Variants in SCAF11 observed in about 807,000 individuals in gnomAD.
SCAF11 encodes the protein protein SCAF11.
Under a neutral mutation model 140.5 loss-of-function variants are expected in SCAF11, and 47 were observed. The observed-to-expected ratio is 0.33, with a 90% CI of 0.26 to 0.43. The LOEUF is 0.43. SCAF11 is among the 20% of genes least tolerant of loss of function. The pLI, the probability that SCAF11 is intolerant of heterozygous loss-of-function variation, is 1.00. For synonymous variants in SCAF11, 557 were observed against 579.4 expected (o/e 0.96, Z 0.55); for missense variants, 1,645 against 1,705.1 (o/e 0.96, Z 0.62).
At chr12:45,954,098 A>G (rs1945617763) in intron 3 of SCAF11, among the ~76,000 whole-genome samples, 1 of 152,262 alleles carries the variant, frequency 6.6e-6, no homozygotes, top group Non-Finnish European at 1.5e-5. Flanking sequence ...AAAGAAAGTC[A>G]CGTGTTCAAG....
intron 1 of SCAF11, among the ~76,000 whole-genome samples, chr12:45,972,511 G>A (rs1419591523): frequency 1.3e-5 from 2 of 149,188 alleles, no homozygotes; most frequent in Non-Finnish European, 3.0e-5. Context: ...CTTGAGCCCA[G>A]GAGTTGAAGG....
intron 3 of SCAF11, among the ~76,000 whole-genome samples, chr12:45,958,654 T>C (rs867160469): frequency 2.6e-5 from 4 of 152,216 alleles, no homozygotes; most frequent in African/African-American, 9.6e-5. Flanking sequence ...ATAATCATAG[T>C]GGACATGATT....
chr12:45,958,925 A>T (rs915743023), intron 3 of SCAF11, among the ~76,000 whole-genome samples: 1 of 152,198 alleles, frequency 6.6e-6, no homozygotes, highest in Non-Finnish European at 1.5e-5. Flanking sequence ...GACACACTTT[A>T]ATTTTTCAAA....
At chr12:45,965,717 ATCAGT>A (rs1390668709) in intron 1 of SCAF11, among the ~76,000 whole-genome samples, 3 of 152,228 alleles carry the variant, frequency 2.0e-5, no homozygotes, top group Non-Finnish European at 4.4e-5. Flanking sequence ...CCTTGATTTT[ATCAGT>A]TGTGATTCTC....
At chr12:45,963,336 A>C (rs548677925) in intron 2 of SCAF11, among the ~76,000 whole-genome samples, 1 of 152,282 alleles carries the variant, frequency 6.6e-6, no homozygotes, top group Admixed American at 6.5e-5. Flanking sequence ...CGAAACCAAG[A>C]CCTTAAAAGC....
chr12:45,982,770 A>G (rs1283851704), intron 1 of SCAF11, among the ~76,000 whole-genome samples: 1 of 152,146 alleles, frequency 6.6e-6, no homozygotes, highest in African/African-American at 2.4e-5. Flanking sequence ...TTTTTATAAC[A>G]GTGTTGTTTT....
rs1210421523 is a variant in SCAF11 at position 45,927,204 on chromosome 12, G to A, written c.2497C>T (p.Pro833Ser). The change falls in exon 11 of 15, where the codon CCA becomes TCA. Residue 833 changes from proline to serine, a missense_variant. Physicochemically the swap from Pro to Ser is moderately conservative, Grantham distance 74. Around this residue, in one of 2 missense-constraint regions of SCAF11, gnomAD observed 1,582 missense variants for 1,609.2 expected, o/e 0.98. Coordinates refer to ENST00000369367, the MANE Select transcript of SCAF11 (RefSeq NM_004719.3). ...CTGGCTGACTCATTCTTAGGAGATGGTGATTGAGACTTCCTGCTTTCTTTC... is the reference window on the plus strand; with the variant it reads ...CTGGCTGACTCATTCTTAGGAGATGATGATTGAGACTTCCTGCTTTCTTTC... The part of the protein sequence containing the change: ...TGKESRKSQS[P>S]SPKNESARGR... 2 of 1,614,108 alleles carry A rather than the reference G, an allele frequency of 1.2e-6. No individual in the cohort carries two copies. The highest frequency in any genetic ancestry group is 4.5e-5 in the East Asian group (2 of 44,876).
chr12:45,937,325 T>C (rs1228446925), intron 6 of SCAF11, among the ~76,000 whole-genome samples: 3 of 152,166 alleles, frequency 2.0e-5, no homozygotes, highest in South Asian at 4.1e-4. Flanking sequence ...TTTTCTTAAA[T>C]ATTATTTTTC....
intron 1 of SCAF11, among the ~76,000 whole-genome samples, chr12:45,970,041 G>A (rs1475892089): frequency 6.6e-6 from 1 of 152,184 alleles, no homozygotes. Flanking sequence ...GATTACAGGT[G>A]CCCGCCACCA....
upstream of SCAF11, chr12:45,992,058 T>G (rs1292339098): frequency 3.3e-5 from 42 of 1,288,204 alleles, no homozygotes; most frequent in Non-Finnish European, 4.3e-5. Context: ...TCCTGCATTC[T>G]CGCAGACTAC....
Position 45,948,547 on chromosome 12 carries a change from A to G in SCAF11, c.298-10T>C, listed in dbSNP as rs767620764. On this transcript the variant is annotated splice_polypyrimidine_tract_variant and intron_variant, in intron 4 of 14. Coordinates refer to ENST00000369367, the MANE Select transcript of SCAF11 (RefSeq NM_004719.3). ...GTTTTTTTACTTGAACCTATGAGAA[A>G]AGCAAAATCAATTTAGAGCAACAAT... 1.8e-5 allele frequency: 27 copies of G among 1,515,580 alleles called. No individual in the cohort carries two copies. The African/African-American group carries it at 3.5e-4, about 19-fold the overall frequency. The allele number at this position is 1,515,580 out of a possible 1,614,324, so 93.9% of individuals were successfully genotyped here.
Position 45,926,728 on chromosome 12 carries a change from T to C in SCAF11, c.2973A>G (p.Lys991=). 15 of 1,613,580 alleles carry C rather than the reference T, an allele frequency of 9.3e-6. No individual in the cohort carries two copies. Among genetic ancestry groups the C allele is most frequent in the Non-Finnish European group, 1.3e-5 (15 of 1,179,940 alleles). The change falls in exon 11 of 15, where the codon AAA becomes AAG. Residue 991 remains lysine (K), a synonymous_variant. Transcript: ENST00000369367. ...NDRYRKNDPE[K]QNENTRKEKN... ...TTTCTTTTCTTGTATTTTCATTCTGTTTCTCTGGGTCATTCTTTCTGTACC... is the reference window on the plus strand; with the variant it reads ...TTTCTTTTCTTGTATTTTCATTCTGCTTCTCTGGGTCATTCTTTCTGTACC...
chr12:45,986,989 C>A (rs931512937), intron 1 of SCAF11, among the ~76,000 whole-genome samples: 1 of 152,202 alleles, frequency 6.6e-6, no homozygotes, highest in Non-Finnish European at 1.5e-5. Flanking sequence ...CTACTCTTAG[C>A]TGAGGCATTC....
intron 3 of SCAF11, among the ~76,000 whole-genome samples, chr12:45,959,062 T>C (rs1371073916): frequency 6.6e-6 from 1 of 152,168 alleles, no homozygotes; most frequent in East Asian, 1.9e-4. Context: ...TCAGTGAACC[T>C]TGGGTACAAA....
In SCAF11 at chr12:45,972,865, G is replaced by GATATAT. The variant is rs200069087; in HGVS notation, c.-21-8683_-21-8678dup. Reference sequence around the variant, plus strand: ...TAAAGCCAGTATATATATATATATCGATATATATATATATAGATATATATA... The same window carrying GATATAT: ...TAAAGCCAGTATATATATATATATCGATATATATATATATATATATAGATATATATA... On this transcript the variant is annotated intron_variant, in intron 1 of 14. Coordinates refer to ENST00000369367, the MANE Select transcript of SCAF11 (RefSeq NM_004719.3). Among the ~76,000 whole-genome samples, 4 of 83,626 alleles carry GATATAT rather than the reference G, an allele frequency of 4.8e-5. No homozygotes were observed. In the East Asian group the frequency reaches 1.2e-3, roughly 26 times the overall value. 54.9% of individuals were successfully genotyped at this position (83,626 alleles called of 152,430 possible).
At position 45,990,506 on chromosome 12, in the gene SCAF11, C is replaced by G; in HGVS notation, c.-175G>C. Reference sequence around the variant, plus strand: ...GGACACTGACTCCGCTGGCTCGGTCCGGAGGCGGCGGCGAAGCAGGGAGCG... The same window carrying G: ...GGACACTGACTCCGCTGGCTCGGTCGGGAGGCGGCGGCGAAGCAGGGAGCG... On this transcript the variant is annotated 5_prime_UTR_variant, in exon 1 of 15. Transcript: ENST00000369367. 1 of 1,229,372 alleles carries G rather than the reference C, an allele frequency of 8.1e-7. No homozygotes were observed. The highest frequency in any genetic ancestry group is 1.0e-6 in the Non-Finnish European group (1 of 986,948). The allele number at this position is 1,229,372 out of a possible 1,614,324, so 76.2% of individuals were successfully genotyped here.
chr12:45,928,342 T>G lies in SCAF11; in HGVS notation c.1359A>C (p.Gln453His), dbSNP rs1482265240. The G allele has an allele frequency of 6.2e-7, 1 of 1,614,140 alleles. No individual in the cohort carries two copies. The highest frequency in any genetic ancestry group is 8.5e-7 in the Non-Finnish European group (1 of 1,180,020). Residue 453 changes from glutamine (Q) to histidine (H), a missense_variant, in exon 11 of 15, where the codon CAA (glutamine) becomes CAC (histidine). By Grantham distance (24) the Gln-to-His change is conservative. This residue lies in a region of SCAF11 where 1,582 missense variants were observed against 1,609.2 expected (regional missense o/e 0.98). Transcript: ENST00000369367. ...CAGTATGCTTCTCACTTTCTTCTATTTGCTCATTGCAACTTTTCAAGCAAT... is the reference window on the plus strand; with the variant it reads ...CAGTATGCTTCTCACTTTCTTCTATGTGCTCATTGCAACTTTTCAAGCAAT... ...SANCLKSCNE[Q>H]IEESEKHTAN...
intron 10 of SCAF11, among the ~76,000 whole-genome samples, chr12:45,930,260 A>C (rs1468718842): frequency 6.6e-6 from 1 of 152,222 alleles, no homozygotes; most frequent in Non-Finnish European, 1.5e-5. Context: ...AGCACTTCCT[A>C]CATCACTAAT....
At chr12:45,986,608 A>C (rs1350920648) in intron 1 of SCAF11, among the ~76,000 whole-genome samples, 1 of 152,186 alleles carries the variant, frequency 6.6e-6, no homozygotes, top group Non-Finnish European at 1.5e-5. Context: ...TTTAACAATA[A>C]GATAGTTATA....
Sources: gnomAD v4.1 joint callset for allele counts (sites outside exome capture counted in the v4.1 genomes callset) on GRCh38, gnomAD v4.1.1 for gene constraint, gnomAD v4.1.1 regional missense constraint, MANE v1.5 for transcripts, NCBI Gene and HGNC (gene_info 2026-07-23, HGNC 2026-07-21) for gene names.